Variants in SBNO1 observed in about 807,000 individuals in gnomAD.
SBNO1 encodes protein strawberry notch homolog 1.
Under a neutral mutation model 173.6 loss-of-function variants are expected in SBNO1, and 23 were observed. The ratio of observed to expected loss-of-function variants is 0.13; its 90% CI spans 0.10 to 0.19. SBNO1 has a LOEUF of 0.19. Among genes scored for constraint, SBNO1 ranks in the 10% least tolerant of loss-of-function variants. SBNO1 has a pLI of 1.00. For synonymous variants in SBNO1, 632 were observed against 571.5 expected (o/e 1.11, Z -1.51); for missense variants, 1,238 against 1,671.2 (o/e 0.74, Z 4.52).
rs1870738223 is a variant in SBNO1 at position 123,327,422 on chromosome 12, T to G, written c.1692+4A>C. On this transcript the variant is annotated splice_donor_region_variant and intron_variant, in intron 13 of 31. Transcript: ENST00000602398. ...AACACTAGGAATTAAGAAAAATTCC[T>G]CACCAGCTTGACAGCTTTGTTATAC... 3 of 1,605,502 alleles carry G rather than the reference T, an allele frequency of 1.9e-6. No homozygotes were observed. Among genetic ancestry groups the G allele is most frequent in the Non-Finnish European group, 2.5e-6 (3 of 1,177,560 alleles).
intron 17 of SBNO1, 38 bp downstream of exon 17, chr12:123,321,497 T>C (rs772278256): frequency 1.4e-6 from 2 of 1,382,338 alleles, no homozygotes; most frequent in South Asian, 1.2e-5. Flanking sequence ...TACTGAAATA[T>C]TATATGCTTT....
intron 1 of SBNO1, among the ~76,000 whole-genome samples, chr12:123,352,156 A>G (rs1392833794): frequency 6.6e-6 from 1 of 152,224 alleles, no homozygotes; most frequent in Non-Finnish European, 1.5e-5. Context: ...ACCAATTTAC[A>G]TATACAAACA....
chr12:123,302,247 TTTG>T (rs1481827113), intron 30 of SBNO1, among the ~76,000 whole-genome samples: 2 of 146,024 alleles, frequency 1.4e-5, no homozygotes, highest in Non-Finnish European at 3.0e-5. Flanking sequence ...TGTTTTTTTT[TTTG>T]TTTTTTTTTT....
At chr12:123,305,460 T>C (rs10773005) in intron 28 of SBNO1, among the ~76,000 whole-genome samples, 17,281 of 152,134 alleles carry the variant, frequency 0.11, 1,117 homozygotes, top group East Asian at 0.29. Flanking sequence ...TGTTGGAATT[T>C]AGGTATGTAT....
rs758567925 is a variant in SBNO1 at position 123,311,064 on chromosome 12, G to C, written c.3286C>G (p.Leu1096Val). ...AAGCTAATAGTAGTACCTTTATCGA[G>C]AGTAAGAATTCCCGAGCGATCTTCT... ...NVEDRSGILT[L>V]DKDYNNIGKF... Residue 1096 changes from leucine (L) to valine (V), a missense_variant, in exon 25 of 32, where the codon CTC (leucine) becomes GTC (valine). Physicochemically the swap from Leu to Val is conservative, Grantham distance 32. Coordinates refer to ENST00000602398, the MANE Select transcript of SBNO1 (RefSeq NM_001167856.3). 5 of 1,610,620 alleles carry C rather than the reference G, an allele frequency of 3.1e-6. No individual in the cohort carries two copies. In the Admixed American group the frequency reaches 5.0e-5, roughly 16 times the overall value.
chr12:123,345,849 A>AT (rs1309242683), intron 3 of SBNO1, among the ~76,000 whole-genome samples: 1 of 151,966 alleles, frequency 6.6e-6, no homozygotes, highest in Middle Eastern at 3.2e-3. Context: ...TTTTTTAGAG[A>AT]TAAGAGTCTC....
In SBNO1 at chr12:123,339,860, T is replaced by C. The variant is rs140925038; in HGVS notation, c.651+1128A>G. ...CCCAGACCTACTATTCCCACTTCTTTCTACAAGCTAAGCTTCCTGGCTTAT... is the reference window on the plus strand; with the variant it reads ...CCCAGACCTACTATTCCCACTTCTTCCTACAAGCTAAGCTTCCTGGCTTAT... On this transcript the variant is annotated intron_variant, in intron 5 of 31. Transcript: ENST00000602398. Among the ~76,000 whole-genome samples, 258 of 152,234 alleles carry C rather than the reference T, an allele frequency of 1.7e-3. 1 individual carries two copies. Among genetic ancestry groups the C allele is most frequent in the African/African-American group, 5.6e-3 (234 of 41,536 alleles).
In SBNO1 at chr12:123,341,097, G is replaced by A. The variant is rs780428824; in HGVS notation, c.551-9C>T. The A allele has an allele frequency of 6.9e-6, 10 of 1,440,122 alleles. No individual in the cohort carries two copies. The South Asian group carries it at 1.3e-4, about 18-fold the overall frequency. The allele number at this position is 1,440,122 out of a possible 1,614,324, so 89.2% of individuals were successfully genotyped here. A position where few individuals can be genotyped will look rare whatever the true frequency, so the allele number is the denominator to read the frequency against. On this transcript the variant is annotated splice_polypyrimidine_tract_variant and intron_variant, in intron 4 of 31. Coordinates refer to ENST00000602398, the MANE Select transcript of SBNO1 (RefSeq NM_001167856.3). ...ACCATTGCTTACATCAGCTGAGGAGGAAAAAGTCAAATTACATTTAGAAGA... is the reference window on the plus strand; with the variant it reads ...ACCATTGCTTACATCAGCTGAGGAGAAAAAAGTCAAATTACATTTAGAAGA...
At chr12:123,335,290 T>A (rs1215367611) in intron 6 of SBNO1, among the ~76,000 whole-genome samples, 1 of 151,924 alleles carries the variant, frequency 6.6e-6, no homozygotes. Context: ...AATACAAAAA[T>A]CAGCCAGGCA....
Position 123,289,355 on chromosome 12 carries a change from G to C in SBNO1, c.*6553C>G, listed in dbSNP as rs934731839. 5.3e-5 allele frequency: 8 copies of C among 152,240 alleles called. No homozygotes were observed. Among genetic ancestry groups the C allele is most frequent in the African/African-American group, 1.4e-4 (6 of 41,458 alleles). 9.4% of individuals were successfully genotyped at this position (152,240 alleles called of 1,614,324 possible). A position where few individuals can be genotyped will look rare whatever the true frequency, so the allele number is the denominator to read the frequency against. ...CGGACGCTTGGTACCGTGCTCCCACGAAAGGCTGGATGCAGCAATGCAGTA... is the reference window on the plus strand; with the variant it reads ...CGGACGCTTGGTACCGTGCTCCCACCAAAGGCTGGATGCAGCAATGCAGTA... On this transcript the variant is annotated 3_prime_UTR_variant, in exon 32 of 32. Coordinates refer to ENST00000602398, the MANE Select transcript of SBNO1 (RefSeq NM_001167856.3).
At chr12:123,302,345 C>T (rs1405598595) in intron 30 of SBNO1, among the ~76,000 whole-genome samples, 2 of 151,396 alleles carry the variant, frequency 1.3e-5, no homozygotes, top group African/African-American at 4.9e-5. Flanking sequence ...CGGGTTCAAG[C>T]GATTCTCCTG....
intron 1 of SBNO1, among the ~76,000 whole-genome samples, chr12:123,361,504 C>T (rs1378346480): frequency 2.0e-5 from 3 of 151,724 alleles, no homozygotes; most frequent in African/African-American, 7.3e-5. Context: ...GCCGAGATCG[C>T]GCCATTGCAC....
chr12:123,310,516 G>C (rs1044135255), intron 25 of SBNO1, among the ~76,000 whole-genome samples: 1 of 152,000 alleles, frequency 6.6e-6, no homozygotes. Flanking sequence ...ACAGGCGTGA[G>C]CCACCGCGCC....
chr12:123,313,331 C>A (rs1306404792), intron 24 of SBNO1, among the ~76,000 whole-genome samples: 2 of 151,048 alleles, frequency 1.3e-5, no homozygotes, highest in African/African-American at 2.4e-5. Flanking sequence ...GGCTATTTGG[C>A]AAAGTGATTT....
In SBNO1 at chr12:123,302,821, A is replaced by C; in HGVS notation, c.3845+3T>G. The stretch of plus-strand genomic sequence containing the variant: ...ATTTGGTAGGAAACACGAAAATACT[A>C]ACCAATAAGCATGAGTACAAGTATC... On this transcript the variant is annotated splice_donor_region_variant and intron_variant, in intron 30 of 31. Transcript: ENST00000602398. The C allele has an allele frequency of 3.7e-6, 6 of 1,610,328 alleles. No homozygotes were observed. The highest frequency in any genetic ancestry group is 5.1e-6 in the Non-Finnish European group (6 of 1,177,094).
chr12:123,343,956 GT>G (rs1211997885), intron 4 of SBNO1, among the ~76,000 whole-genome samples: 1 of 152,134 alleles, frequency 6.6e-6, no homozygotes, highest in African/African-American at 2.4e-5. Flanking sequence ...TACCTTAAAT[GT>G]GGGAGAATTT....
At chr12:123,300,207 A>C (rs2048739556) in intron 30 of SBNO1, among the ~76,000 whole-genome samples, 1 of 152,186 alleles carries the variant, frequency 6.6e-6, no homozygotes, top group Admixed American at 6.5e-5. Flanking sequence ...CTATAACTCA[A>C]AGCAAATGTT....
At chr12:123,340,212 T>G (rs975306539) in intron 5 of SBNO1, among the ~76,000 whole-genome samples, 3 of 152,188 alleles carry the variant, frequency 2.0e-5, no homozygotes, top group African/African-American at 7.2e-5. Flanking sequence ...ATTAACAATG[T>G]TATACATGGA....
chr12:123,309,632 A>G, intron 26 of SBNO1, 49 bp from the exon 27 acceptor site: 1 of 1,598,302 alleles, frequency 6.3e-7, no homozygotes, highest in Non-Finnish European at 8.6e-7. Context: ...CATTTTTATC[A>G]GGTACACACG....
Sources: allele counts gnomAD v4.1 joint callset (sites outside exome capture counted in the v4.1 genomes callset), GRCh38; gene constraint gnomAD v4.1.1; transcripts MANE v1.5; gene names NCBI Gene and HGNC (gene_info 2026-07-23, HGNC 2026-07-21).